Variants in NEBL observed in about 807,000 individuals in gnomAD.
The protein encoded by NEBL is nebulette, also known as LIM and SH3 protein 2.
In NEBL, 122 loss-of-function variants were observed where a neutral mutation model predicts 140.2. The observed-to-expected ratio is 0.87, with a 90% CI of 0.75 to 1.01. The LOEUF is 1.01. NEBL is among the 50% of genes least tolerant of loss of function. NEBL has a pLI of 0.00. For missense variants in NEBL, 1,365 were observed against 1,231.3 expected, an observed-to-expected ratio of 1.11 and a Z score of -1.62; for synonymous variants, 436 against 398.9, an observed-to-expected ratio of 1.09 and a Z score of -1.11.
chr10:21,030,344 A>G (rs571056437), intron 2 of NEBL: 21 of 626,416 alleles, frequency 3.4e-5, no homozygotes, highest in South Asian at 3.2e-4. Context: ...GACCTCCGCC[A>G]CACCCGGCAA....
At chr10:20,937,599 A>G (rs1564451982) in intron 4 of NEBL, among the ~76,000 whole-genome samples, 2 of 152,148 alleles carry the variant, frequency 1.3e-5, no homozygotes, top group Admixed American at 1.3e-4. Context: ...GGTGCAGGAC[A>G]GTGGGTGCAG....
chr10:20,999,659 A>G lies in NEBL; in HGVS notation c.249+20458T>C, dbSNP rs192828488. On this transcript the variant is annotated intron_variant, in intron 3 of 6. Coordinates refer to the NEBL transcript ENST00000417816. ...CAAACTGATTCTATATCCAGGATCTATATACCCAGGGTTGTAAAAGCCAAA... is the reference window on the plus strand; with the variant it reads ...CAAACTGATTCTATATCCAGGATCTGTATACCCAGGGTTGTAAAAGCCAAA... Among the ~76,000 whole-genome samples, 63 of 152,138 alleles carry G rather than the reference A, an allele frequency of 4.1e-4. No homozygotes were observed. In the East Asian group the frequency reaches 0.011, roughly 27 times the overall value.
At chr10:20,797,819 T>C (rs1836704388) in intron 26 of NEBL, among the ~76,000 whole-genome samples, 1 of 151,700 alleles carries the variant, frequency 6.6e-6, no homozygotes. Flanking sequence ...GAATGAAAAA[T>C]ATAGACATGG....
At chr10:20,986,027 A>C (rs11012460) in intron 3 of NEBL, among the ~76,000 whole-genome samples, 21,660 of 152,186 alleles carry the variant, frequency 0.14, 2,531 homozygotes, top group East Asian at 0.39. Context: ...AGCATGGAGA[A>C]TGGACGCTGC....
At chr10:21,288,818 G>GTCTATATA (rs757155594) in intron 1 of NEBL, among the ~76,000 whole-genome samples, 1 of 32,668 alleles carries the variant, frequency 3.1e-5, no homozygotes, top group East Asian at 2.0e-3. Flanking sequence ...ACGTGTGTGT[G>GTCTATATA]TGTATATATA....
chr10:20,880,696 G>C (rs1050449401), intron 5 of NEBL, 98 bp downstream of exon 5: 12 of 884,262 alleles, frequency 1.4e-5, no homozygotes, highest in African/African-American at 1.3e-4. Flanking sequence ...TTTTTGAACA[G>C]GGCTGTTGTA....
intron 1 of NEBL, among the ~76,000 whole-genome samples, chr10:21,290,021 T>C (rs1299331124): frequency 6.6e-6 from 1 of 152,220 alleles, no homozygotes; most frequent in Non-Finnish European, 1.5e-5. Flanking sequence ...TCTAACTTTT[T>C]CTCTTGATCT....
chr10:21,249,005 C>T (rs1204892800), intron 2 of NEBL, among the ~76,000 whole-genome samples: 1 of 149,642 alleles, frequency 6.7e-6, no homozygotes, highest in African/African-American at 2.5e-5. Context: ...GTCCTTTGCT[C>T]ATTTTTGGGT....
chr10:21,173,740 G>A lies in NEBL; in HGVS notation c.69+25C>T, dbSNP rs973127633. On this transcript the variant is annotated intron_variant, in intron 1 of 6. Transcript: ENST00000417816. The surrounding 1 kb of genome is among the most constrained non-coding windows in gnomAD (Gnocchi z 5.7). ...GCAGCCCCTCGCCCGGCAGGTCCAG[G>A]CTGGCCCGGCGCCCCCTCGCTCACC... 2 of 1,611,604 alleles carry A rather than the reference G, an allele frequency of 1.2e-6. No individual in the cohort carries two copies. Among genetic ancestry groups the A allele is most frequent in the Non-Finnish European group, 1.7e-6 (2 of 1,179,512 alleles).
intron 2 of NEBL, among the ~76,000 whole-genome samples, chr10:21,107,231 T>A (rs1458082757): frequency 6.6e-6 from 1 of 152,152 alleles, no homozygotes; most frequent in East Asian, 1.9e-4. Flanking sequence ...TGAATATGAG[T>A]GGTGAGAGAG....
intron 2 of NEBL, among the ~76,000 whole-genome samples, chr10:21,070,541 T>C (rs768594102): frequency 3.3e-5 from 5 of 152,184 alleles, no homozygotes; most frequent in African/African-American, 7.2e-5. Context: ...AACTATCCAG[T>C]TGCCCTTAGC....
Position 20,902,419 on chromosome 10 carries a change from A to C in NEBL, c.357+59253T>G, listed in dbSNP as rs572775730. ...AAGACACTGTCTCAAAAAAAAAAAA[A>C]TTTAATAAGGTATATTCCATATGTA... On this transcript the variant is annotated intron_variant, in intron 4 of 6. Coordinates refer to the NEBL transcript ENST00000417816. Among the ~76,000 whole-genome samples, 762 of 138,072 alleles carry C rather than the reference A, an allele frequency of 5.5e-3. 7 individuals are homozygous for C. Among genetic ancestry groups the C allele is most frequent in the African/African-American group, 0.02 (733 of 37,276 alleles). The allele number at this position is 138,072 out of a possible 152,430, so 90.6% of individuals were successfully genotyped here.
chr10:20,955,886 T>A (rs140885123), intron 4 of NEBL, among the ~76,000 whole-genome samples: 48 of 151,764 alleles, frequency 3.2e-4, no homozygotes, highest in African/African-American at 1.1e-3. Context: ...CACAGATTGT[T>A]CACTGAATCC....
At chr10:20,811,891 T>A (rs1564344799) in intron 24 of NEBL, among the ~76,000 whole-genome samples, 1 of 152,188 alleles carries the variant, frequency 6.6e-6, no homozygotes, top group African/African-American at 2.4e-5. Flanking sequence ...TCAATAATCA[T>A]CCTTCCTAGC....
At chr10:20,817,350 G>T (rs45551638) in intron 21 of NEBL, among the ~76,000 whole-genome samples, 1 of 152,146 alleles carries the variant, frequency 6.6e-6, no homozygotes, top group African/African-American at 2.4e-5. Flanking sequence ...CTGGGTGACA[G>T]AGCAAGACCC....
chr10:21,064,860 C>A (rs1232357140), intron 2 of NEBL, among the ~76,000 whole-genome samples: 2 of 149,964 alleles, frequency 1.3e-5, no homozygotes, highest in Non-Finnish European at 3.0e-5. Flanking sequence ...ACAGACAGAT[C>A]ATAAAAAGCA....
At chr10:21,020,174 C>T (rs1437892584) in exon 3 of NEBL, 14 of 1,613,958 alleles carry the variant, frequency 8.7e-6, no homozygotes, top group Admixed American at 5.0e-5. Context: ...TATCTGCCAC[C>T]GTGGTGAAGG....
At chr10:20,834,205 G>A (rs1023792045) in intron 14 of NEBL, among the ~76,000 whole-genome samples, 1 of 151,826 alleles carries the variant, frequency 6.6e-6, no homozygotes, top group South Asian at 2.1e-4. Flanking sequence ...ACTTAAATGG[G>A]GTCTGACCCC....
At chr10:20,888,982 T>C (rs1846787453) in intron 3 of NEBL, among the ~76,000 whole-genome samples, 1 of 152,228 alleles carries the variant, frequency 6.6e-6, no homozygotes, top group Non-Finnish European at 1.5e-5. Context: ...GATCCTGTGC[T>C]AGCCTTCTGC....
Sources: allele counts gnomAD v4.1 joint callset (sites outside exome capture counted in the v4.1 genomes callset), GRCh38; gene constraint gnomAD v4.1.1; non-coding constraint Gnocchi (gnomAD v3.1); transcripts MANE v1.5; gene names NCBI Gene and HGNC (gene_info 2026-07-23, HGNC 2026-07-21).